The following CCHCR1 variants were observed in gnomAD, a reference collection of about 807,000 sequenced individuals.
CCHCR1 encodes the protein coiled-coil alpha-helical rod protein 1, also known as HCR (a-helix coiled-coil rod homologue).
CCHCR1 carries 91 observed loss-of-function variants against 114.6 expected under a neutral mutation model. The observed-to-expected ratio is 0.79, with a 90% CI of 0.67 to 0.94. CCHCR1 has a LOEUF of 0.94. CCHCR1 is among the 40% of genes least tolerant of loss of function. The probability of loss-of-function intolerance (pLI) is 0.00; values close to 1 mark genes in which losing one functional copy is unlikely to be tolerated. For synonymous variants in CCHCR1, 379 were observed against 428.5 expected (o/e 0.88, Z 1.43); for missense variants, 899 against 1,079.9 (o/e 0.83, Z 2.35).
At chr6:31,147,050 C>T (rs916487752) in intron 10 of CCHCR1, among the ~76,000 whole-genome samples, 1 of 152,112 alleles carries the variant, frequency 6.6e-6, no homozygotes, top group African/African-American at 2.4e-5. Flanking sequence ...CTAAATTAAC[C>T]CATCAAGAAG....
Position 31,143,169 on chromosome 6 carries a change from A to G in CCHCR1, c.2320-35T>C, listed in dbSNP as rs1274108435. On this transcript the variant is annotated intron_variant, in intron 16 of 17. Coordinates refer to ENST00000396268, the MANE Select transcript of CCHCR1 (RefSeq NM_001105564.2). This position sits in a 1 kb window ranked among gnomAD's most constrained non-coding sequence, Gnocchi z 5.3. ...AGAGGGTTAAACCTAGCCCGGATAGAGCCTCCCTCACCATCCTCTTTCCAC... is the reference window on the plus strand; with the variant it reads ...AGAGGGTTAAACCTAGCCCGGATAGGGCCTCCCTCACCATCCTCTTTCCAC... The G allele has an allele frequency of 6.2e-7, 1 of 1,611,060 alleles. No homozygotes were observed. Among genetic ancestry groups the G allele is most frequent in the South Asian group, 1.1e-5 (1 of 90,792 alleles).
chr6:31,146,406 TGAC>T (rs1774343637), intron 10 of CCHCR1, among the ~76,000 whole-genome samples: 1 of 152,088 alleles, frequency 6.6e-6, no homozygotes, highest in African/African-American at 2.4e-5. Context: ...CTAGCACCAA[TGAC>T]GGGCAGGTCC....
In CCHCR1 at chr6:31,143,420, AGAGGCCAAGGCACAGAG is replaced by A; in HGVS notation, c.2168-24_2168-8del. 1 of 1,612,490 alleles carries A rather than the reference AGAGGCCAAGGCACAGAG, an allele frequency of 6.2e-7. No individual in the cohort carries two copies. ...ATCTGGCGTAAGGAGACCACTACAG[AGAGGCCAAGGCACAGAG>A]GAGGCAGGTGTGAGTCAGGCCAGAG... On this transcript the variant is annotated splice_polypyrimidine_tract_variant and splice_region_variant and intron_variant, in intron 15 of 17. Transcript: ENST00000396268. The surrounding 1 kb of genome is among the most constrained non-coding windows in gnomAD (Gnocchi z 5.3).
rs762416029 is a variant in CCHCR1, at chr6:31,150,949, G to A, written c.965+10C>T. The A allele has an allele frequency of 1.2e-5, 20 of 1,612,076 alleles. No individual in the cohort carries two copies. Among genetic ancestry groups the A allele is most frequent in the Admixed American group, 3.3e-5 (2 of 59,922 alleles). ...AATTGCTGGGCTCCCGTCGGCGTCCGCCCACCTACCTCAGCTGCTTCCGAA... is the reference window on the plus strand; with the variant it reads ...AATTGCTGGGCTCCCGTCGGCGTCCACCCACCTACCTCAGCTGCTTCCGAA... On this transcript the variant is annotated intron_variant, in intron 5 of 17. Transcript: ENST00000396268. The surrounding 1 kb of genome is among the most constrained non-coding windows in gnomAD (Gnocchi z 5.3).
At chr6:31,153,602 CAG>C (rs1167541821) in intron 4 of CCHCR1, among the ~76,000 whole-genome samples, 1 of 151,882 alleles carries the variant, frequency 6.6e-6, no homozygotes, top group Non-Finnish European at 1.5e-5. Flanking sequence ...TTTTTTGAGA[CAG>C]AGTCTTGCTC....
chr6:31,144,965 C>A lies in CCHCR1; in HGVS notation c.1985G>T (p.Arg662Leu), dbSNP rs777231387. 1.2e-6 allele frequency: 2 copies of A among 1,609,920 alleles called. No homozygotes were observed. The highest frequency in any genetic ancestry group is 1.7e-6 in the Non-Finnish European group (2 of 1,179,950). Residue 662 changes from arginine (R) to leucine (L), a missense_variant, in exon 14 of 18, where the codon CGC becomes CTC. Physicochemically the swap from Arg to Leu is moderately radical, Grantham distance 102 (BLOSUM62 -2). Coordinates refer to ENST00000396268, the MANE Select transcript of CCHCR1 (RefSeq NM_001105564.2). This position sits in a 1 kb window ranked among gnomAD's most constrained non-coding sequence, Gnocchi z 4.6. ...ASLGLQLEVA[R>L]QGQQESTEEA... ...CTCTGTGCTCTCCTGCTGGCCCTGG[C>A]GTGCTACCTCCAGCTGCAGCCCCAA...
At position 31,154,073 on chromosome 6, in the gene CCHCR1, T is replaced by C. The variant is rs999660733; in HGVS notation, c.801+423A>G. Among the ~76,000 whole-genome samples the C allele has an allele frequency of 7.0e-6, 1 of 142,494 alleles. No homozygotes were observed. The highest frequency in any genetic ancestry group is 1.5e-5 in the Non-Finnish European group (1 of 65,348). 93.5% of individuals were successfully genotyped at this position (142,494 alleles called of 152,430 possible). A position where few individuals can be genotyped will look rare whatever the true frequency, so the allele number is the denominator to read the frequency against. Reference sequence around the variant, plus strand: ...CCACGAAGGCAGGACTCAGGCTAATTTGGTCACTGAGTCTTAGAGATGGCA... The same window carrying C: ...CCACGAAGGCAGGACTCAGGCTAATCTGGTCACTGAGTCTTAGAGATGGCA... On this transcript the variant is annotated intron_variant, in intron 4 of 17. Transcript: ENST00000396268. This position sits in a 1 kb window ranked among gnomAD's most constrained non-coding sequence, Gnocchi z 4.1.
At position 31,144,802 on chromosome 6, in the gene CCHCR1, G is replaced by A; in HGVS notation, c.2066-14C>T. Reference sequence around the variant, plus strand: ...TTTCTTGCAGGGCTGGGGTGAAAGTGCAGACGGGGCATATCAGCAGGAGCT... The same window carrying A: ...TTTCTTGCAGGGCTGGGGTGAAAGTACAGACGGGGCATATCAGCAGGAGCT... On this transcript the variant is annotated splice_polypyrimidine_tract_variant and intron_variant, in intron 14 of 17. Transcript: ENST00000396268. This position sits in a 1 kb window ranked among gnomAD's most constrained non-coding sequence, Gnocchi z 4.6. 1 of 1,612,378 alleles carries A rather than the reference G, an allele frequency of 6.2e-7. No homozygotes were observed.
chr6:31,156,562 C>A, intron 3 of CCHCR1, 169 bp downstream of exon 3: 1 of 590,730 alleles, frequency 1.7e-6, no homozygotes, highest in Admixed American at 3.5e-5. Context: ...TATCCTCATC[C>A]CTAGCACTTA....
Position 31,150,005 on chromosome 6 carries a change from A to C in CCHCR1, c.1362+61T>G, listed in dbSNP as rs1774976289. The C allele has an allele frequency of 1.3e-6, 2 of 1,575,756 alleles. No individual in the cohort carries two copies. The highest frequency in any genetic ancestry group is 3.4e-5 in the Admixed American group (2 of 59,462). On this transcript the variant is annotated intron_variant, in intron 8 of 17. Transcript: ENST00000396268. The surrounding 1 kb of genome is among the most constrained non-coding windows in gnomAD (Gnocchi z 5.3). ...AATAAACACTGGTTGAATGGATGCC[A>C]CCTTCATGGAAGGAGCAAGGTGCTG...
rs1184431267 is a variant in CCHCR1 at position 31,142,591 on chromosome 6, C to T, written c.*1G>A. The T allele has an allele frequency of 2.5e-6, 4 of 1,611,494 alleles. No individual in the cohort carries two copies. The highest frequency in any genetic ancestry group is 1.7e-6 in the Non-Finnish European group (2 of 1,178,684). The stretch of plus-strand genomic sequence containing the variant: ...TGGCTTTCCCTCCAACTGTCAGCTG[C>T]TTAGCTGCTCATCTGGGGATTGGAG... On this transcript the variant is annotated 3_prime_UTR_variant, in exon 18 of 18. Coordinates refer to ENST00000396268, the MANE Select transcript of CCHCR1 (RefSeq NM_001105564.2).
chr6:31,148,386 AC>A lies in CCHCR1; in HGVS notation c.1580+18del. On this transcript the variant is annotated intron_variant, in intron 10 of 17. Transcript: ENST00000396268. ...AGGTGGCAGAAACACTACTCCACCCACCCCTCCATCCCTGATACCTGCTGAC... is the reference window on the plus strand; with the variant it reads ...AGGTGGCAGAAACACTACTCCACCCACCCTCCATCCCTGATACCTGCTGAC... 2.8e-6 allele frequency: 4 copies of A among 1,422,196 alleles called. No homozygotes were observed. The highest frequency in any genetic ancestry group is 3.9e-6 in the Non-Finnish European group (4 of 1,019,172). 88.1% of individuals were successfully genotyped at this position (1,422,196 alleles called of 1,614,324 possible). A position where few individuals can be genotyped will look rare whatever the true frequency, so the allele number is the denominator to read the frequency against.
chr6:31,145,410 C>A (rs1369467669), intron 12 of CCHCR1, 38 bp downstream of exon 12: 1 of 1,613,790 alleles, frequency 6.2e-7, no homozygotes, highest in African/African-American at 1.3e-5. Context: ...CAGCCAATGC[C>A]CTAAAGCCCC....
chr6:31,148,256 A>T, intron 10 of CCHCR1, 149 bp downstream of exon 10: 1 of 629,536 alleles, frequency 1.6e-6, no homozygotes, highest in South Asian at 2.1e-5. Context: ...AAACGAACAC[A>T]GGAACATTGA....
At chr6:31,152,188 G>A (rs964734248) in intron 4 of CCHCR1, among the ~76,000 whole-genome samples, 1 of 149,476 alleles carries the variant, frequency 6.7e-6, no homozygotes, top group Non-Finnish European at 1.5e-5. Flanking sequence ...CCAGCTACTC[G>A]GAAGAATGAC....
At position 31,155,603 on chromosome 6, in the gene CCHCR1, C is replaced by CAAAAAAAAAA. The variant is rs9257057; in HGVS notation, c.498-805_498-804insTTTTTTTTTT. 1.5e-4 allele frequency among the ~76,000 whole-genome samples: 15 copies of CAAAAAAAAAA among 96,780 alleles called. 3 individuals are homozygous for CAAAAAAAAAA. Among genetic ancestry groups the CAAAAAAAAAA allele is most frequent in the Non-Finnish European group, 2.0e-4 (10 of 49,712 alleles). The allele number at this position is 96,780 out of a possible 152,430, so 63.5% of individuals were successfully genotyped here. A position where few individuals can be genotyped will look rare whatever the true frequency, so the allele number is the denominator to read the frequency against. ...TGGGCGACAGAGTGAGACTCCATCTCAAAAAAAAGGCATTTATTGAGTGTT... is the reference window on the plus strand; with the variant it reads ...TGGGCGACAGAGTGAGACTCCATCTCAAAAAAAAAAAAAAAAAAGGCATTTATTGAGTGTT... On this transcript the variant is annotated intron_variant, in intron 3 of 17. Coordinates refer to ENST00000396268, the MANE Select transcript of CCHCR1 (RefSeq NM_001105564.2).
chr6:31,142,728 G>C lies in CCHCR1; in HGVS notation c.2492-12C>G. The C allele has an allele frequency of 1.2e-6, 2 of 1,601,612 alleles. No homozygotes were observed. Among genetic ancestry groups the C allele is most frequent in the South Asian group, 2.2e-5 (2 of 90,864 alleles). On this transcript the variant is annotated splice_polypyrimidine_tract_variant and intron_variant, in intron 17 of 17. Transcript: ENST00000396268. ...GACAGAGAGGGACCCTGGGAAGGAA[G>C]ACAGCAGATGAGCACCAGACAAGGG... is the stretch of plus-strand genomic sequence containing the variant.
rs147572037 is a variant in CCHCR1 at position 31,150,917 on chromosome 6, C to T, written c.965+42G>A. The T allele has an allele frequency of 9.3e-6, 15 of 1,611,414 alleles. No individual in the cohort carries two copies. The African/African-American group carries it at 1.1e-4, about 11-fold the overall frequency. On this transcript the variant is annotated intron_variant, in intron 5 of 17. Coordinates refer to ENST00000396268, the MANE Select transcript of CCHCR1 (RefSeq NM_001105564.2). This position sits in a 1 kb window ranked among gnomAD's most constrained non-coding sequence, Gnocchi z 5.3. ...AGTGGGGCGCCCTGCAGATCCACCA[C>T]ATCACTAATTGCTGGGCTCCCGTCG...
chr6:31,151,045 C>CA lies in CCHCR1; in HGVS notation c.878dup (p.Ser294GlufsTer2). 2 of 1,613,126 alleles carry CA rather than the reference C, an allele frequency of 1.2e-6. No homozygotes were observed. Among genetic ancestry groups the CA allele is most frequent in the Non-Finnish European group, 8.5e-7 (1 of 1,180,038 alleles). Reference sequence around the variant, plus strand: ...CTGCTCTTCTGGTTTCCAGACTACTCAGAGACTTCTCCAAGCCCTCAGCCT... The same window carrying CA: ...CTGCTCTTCTGGTTTCCAGACTACTCAAGAGACTTCTCCAAGCCCTCAGCCT... On this transcript the variant is annotated frameshift_variant, in exon 5 of 18. Coordinates refer to ENST00000396268, the MANE Select transcript of CCHCR1 (RefSeq NM_001105564.2). LOFTEE classifies it high-confidence loss of function. The surrounding 1 kb of genome is among the most constrained non-coding windows in gnomAD (Gnocchi z 4.1).
Sources: allele counts gnomAD v4.1 joint callset (sites outside exome capture counted in the v4.1 genomes callset), GRCh38; gene constraint gnomAD v4.1.1; non-coding constraint Gnocchi (gnomAD v3.1); transcripts MANE v1.5; gene names NCBI Gene and HGNC (gene_info 2026-07-23, HGNC 2026-07-21).